The following DEK variants were observed in gnomAD, a reference collection of about 807,000 sequenced individuals.
DEK encodes protein DEK.
A neutral mutation model predicts 46.8 loss-of-function variants in DEK; 28 were observed. The ratio of observed to expected loss-of-function variants is 0.60; its 90% confidence interval spans 0.44 to 0.82. DEK has a LOEUF of 0.82. Among genes scored for constraint, DEK ranks in the 40% least tolerant of loss-of-function variants. The pLI is 0.00. For synonymous variants in DEK, 160 were observed against 144.5 expected (o/e 1.11, Z -0.77); for missense variants, 416 against 430.6 (o/e 0.97, Z 0.30).
Position 18,237,505 on chromosome 6 carries a change from C to CT in DEK, c.773dup (p.Thr259AspfsTer8). The CT allele has an allele frequency of 6.3e-7, 1 of 1,598,408 alleles. No individual in the cohort carries two copies. The highest frequency in any genetic ancestry group is 1.1e-5 in the South Asian group (1 of 88,508). On this transcript the variant is annotated frameshift_variant, in exon 8 of 11. Coordinates refer to ENST00000652689, the MANE Select transcript of DEK (RefSeq NM_003472.4). LOFTEE classifies it high-confidence loss of function. ...GTTTAGGTTTTTCTCTTTTGGCTGT[C>CT]TTTTTTGGTGGCTGTTACAAAAGAA...
At chr6:18,243,952 G>GT (rs1791001767) in intron 7 of DEK, among the ~76,000 whole-genome samples, 1 of 151,926 alleles carries the variant, frequency 6.6e-6, no homozygotes. Context: ...GGGCAACAGA[G>GT]TAAGACGTAC....
chr6:18,244,610 G>A (rs1791031026), intron 7 of DEK: 1 of 1,258,592 alleles, frequency 7.9e-7, no homozygotes, highest in Non-Finnish European at 1.0e-6. Flanking sequence ...TGTACTGGGT[G>A]AACAGATGAA....
At chr6:18,264,216 C>A in intron 1 of DEK, 169 bp downstream of exon 1, 1 of 347,844 alleles carries the variant, frequency 2.9e-6, no homozygotes. Context: ...CGCCCGCTGC[C>A]CCGCGTGCGC....
intron 7 of DEK, among the ~76,000 whole-genome samples, chr6:18,237,780 C>CT (rs1370590310): frequency 2.0e-5 from 3 of 151,210 alleles, no homozygotes; most frequent in African/African-American, 7.3e-5. Flanking sequence ...ATGCATTACT[C>CT]TACTTAATCT....
chr6:18,241,117 T>C (rs948917090), intron 7 of DEK, among the ~76,000 whole-genome samples: 1 of 152,236 alleles, frequency 6.6e-6, no homozygotes, highest in African/African-American at 2.4e-5. Context: ...AATGAATTTG[T>C]ATCTTGTGCT....
chr6:18,263,925 T>C lies in DEK; in HGVS notation c.63A>G (p.Lys21=), dbSNP rs766041938. 1.1e-5 allele frequency: 18 copies of C among 1,612,456 alleles called. No homozygotes were observed. The Admixed American group carries it at 1.8e-4, about 16-fold the overall frequency. ...EGTPTQPASE[K]EPEMPGPREE... ...CTCTGGGACCGGGCATTTCGGGTTC[T>C]TTCTCGGACGCGGGCTGGGTGGGGG... is the stretch of plus-strand genomic sequence containing the variant. Residue 21 remains lysine, a synonymous_variant, in exon 2 of 11, where the codon AAA becomes AAG. Transcript: ENST00000652689.
chr6:18,229,488 G>A (rs13204810), intron 9 of DEK, among the ~76,000 whole-genome samples: 1 of 151,806 alleles, frequency 6.6e-6, no homozygotes, highest in African/African-American at 2.4e-5. Context: ...GAAAAAAGAT[G>A]AGACGAATGG....
chr6:18,263,756 A>G (rs1457822054), intron 2 of DEK, 87 bp downstream of exon 2: 1 of 1,608,740 alleles, frequency 6.2e-7, no homozygotes, highest in Non-Finnish European at 8.5e-7. Context: ...CTAAACACCA[A>G]AAGAGCAAGA....
chr6:18,230,792 C>A (rs1194082851), intron 9 of DEK, among the ~76,000 whole-genome samples: 1 of 152,168 alleles, frequency 6.6e-6, no homozygotes, highest in African/African-American at 2.4e-5. Context: ...GACTTTAACA[C>A]CACACTGCAA....
chr6:18,256,269 G>T (rs572675042), intron 5 of DEK, 92 bp downstream of exon 5: 34 of 1,120,218 alleles, frequency 3.0e-5, no homozygotes, highest in Non-Finnish European at 4.2e-5. Context: ...TTACAGGTGT[G>T]AGCCACTGTG....
In DEK at chr6:18,264,446, G is replaced by T. The variant is rs772065273; in HGVS notation, c.-71C>A. On this transcript the variant is annotated 5_prime_UTR_variant, in exon 1 of 11. Coordinates refer to ENST00000652689, the MANE Select transcript of DEK (RefSeq NM_003472.4). ...GCACGAGGAGGTTCTGGGAGGCGGC[G>T]GCGGCCGACGCCGAGGAGAAGGCGC... is the stretch of plus-strand genomic sequence containing the variant. 3 of 278,236 alleles carry T rather than the reference G, an allele frequency of 1.1e-5. No individual in the cohort carries two copies. The East Asian group carries it at 3.9e-4, about 37-fold the overall frequency. 17.2% of individuals were successfully genotyped at this position (278,236 alleles called of 1,614,324 possible).
chr6:18,256,454 A>C lies in DEK; in HGVS notation c.359T>G (p.Val120Gly). The change falls in exon 5 of 11, where the codon GTG becomes GGG. Residue 120 changes from valine to glycine, a missense_variant and splice_region_variant. By Grantham distance (109) the Val-to-Gly change is moderately radical. Coordinates refer to ENST00000652689, the MANE Select transcript of DEK (RefSeq NM_003472.4). ...ACCCACATTCTTCTTTAATGAGGACACCTGAAAATGTTCCTTATTATTAAT... is the reference window on the plus strand; with the variant it reads ...ACCCACATTCTTCTTTAATGAGGACCCCTGAAAATGTTCCTTATTATTAAT... ...HKLLYNRPGT[V>G]SSLKKNVGQF... 6.2e-7 allele frequency: 1 copy of C among 1,610,630 alleles called. No homozygotes were observed. Among genetic ancestry groups the C allele is most frequent in the Non-Finnish European group, 8.5e-7 (1 of 1,178,330 alleles).
At chr6:18,240,388 C>G (rs1790848774) in intron 7 of DEK, among the ~76,000 whole-genome samples, 1 of 152,198 alleles carries the variant, frequency 6.6e-6, no homozygotes, top group Non-Finnish European at 1.5e-5. Context: ...CATAATAGTT[C>G]AAAGAGTACA....
intron 7 of DEK, among the ~76,000 whole-genome samples, chr6:18,245,403 C>T (rs1349010181): frequency 6.6e-6 from 1 of 151,190 alleles, no homozygotes; most frequent in Non-Finnish European, 1.5e-5. Context: ...ACTCCTGTTT[C>T]GAACATTATT....
intron 9 of DEK, among the ~76,000 whole-genome samples, chr6:18,234,318 G>A (rs1035892350): frequency 6.6e-6 from 1 of 151,786 alleles, no homozygotes; most frequent in South Asian, 2.1e-4. Context: ...TGCACGTTGT[G>A]CACATGTATC....
At chr6:18,227,777 A>C (rs1274441100) in intron 9 of DEK, among the ~76,000 whole-genome samples, 17 of 152,232 alleles carry the variant, frequency 1.1e-4, no homozygotes, top group Admixed American at 1.1e-3. Flanking sequence ...CTTAGATAAC[A>C]GAACTAAGTT....
In DEK at chr6:18,256,394, A is replaced by C. The variant is rs17336208; in HGVS notation, c.419T>G (p.Val140Gly). 2.2e-5 allele frequency: 35 copies of C among 1,613,254 alleles called. 2 individuals are homozygous for C. The South Asian group carries it at 3.8e-4, about 18-fold the overall frequency. Residue 140 changes from valine to glycine, a missense_variant, in exon 5 of 11, where the codon GTC becomes GGC. Coordinates refer to ENST00000652689, the MANE Select transcript of DEK (RefSeq NM_003472.4). ...CATTTCTTCCTTCTTTTTATATTGG[A>C]CACTTCCTTTTTCAAATGGAAAGCC... Reference protein sequence around the residue: ...FSGFPFEKGSVQYKKKEEMLK... With the variant: ...FSGFPFEKGSGQYKKKEEMLK...
At chr6:18,244,491 G>C in intron 7 of DEK, 14 of 1,268,788 alleles carry the variant, frequency 1.1e-5, no homozygotes, top group Non-Finnish European at 1.4e-5. Flanking sequence ...AAAAAATCTT[G>C]GGAAAGCAAG....
chr6:18,249,664 T>C lies in DEK; in HGVS notation c.749A>G (p.Glu250Gly). ...AAAATATTTTACCTCCTCTTCACTTTCTTTATCTTCATCATCTGAAGACTC... is the reference window on the plus strand; with the variant it reads ...AAAATATTTTACCTCCTCTTCACTTCCTTTATCTTCATCATCTGAAGACTC... ...KEESSDDEDK[E>G]SEEEPPKKTA... The change falls in exon 7 of 11, where the codon GAA becomes GGA. Residue 250 changes from glutamate (E) to glycine (G), a missense_variant. Coordinates refer to ENST00000652689, the MANE Select transcript of DEK (RefSeq NM_003472.4). 6.3e-7 allele frequency: 1 copy of C among 1,582,398 alleles called. No homozygotes were observed. The highest frequency in any genetic ancestry group is 8.5e-7 in the Non-Finnish European group (1 of 1,170,308).
Sources: gnomAD v4.1 joint callset for allele counts (sites outside exome capture counted in the v4.1 genomes callset) on GRCh38, gnomAD v4.1.1 for gene constraint, MANE v1.5 for transcripts, NCBI Gene and HGNC (gene_info 2026-07-23, HGNC 2026-07-21) for gene names.